SCHIP1: variants seen among roughly 807,000 people sequenced by gnomAD.
SCHIP1 encodes the protein schwannomin-interacting protein 1.
Under a neutral mutation model 29.7 loss-of-function variants are expected in SCHIP1, and 8 were observed. The ratio of observed to expected loss-of-function variants is 0.27; its 90% CI spans 0.16 to 0.49. SCHIP1 has a LOEUF of 0.49. SCHIP1 is among the 20% of genes least tolerant of loss of function. SCHIP1 has a pLI of 0.99. For missense variants in SCHIP1, 193 were observed against 294.6 expected, an observed-to-expected ratio of 0.66 and a Z score of 2.52; for synonymous variants, 76 against 94.9, an observed-to-expected ratio of 0.80 and a Z score of 1.16.
the SCHIP1 span, among the ~76,000 whole-genome samples, chr3:159,703,246 T>C: frequency 5.9e-5 from 9 of 152,354 alleles, no homozygotes; most frequent in African/African-American, 2.2e-4. Flanking sequence ...AGCGCACTTA[T>C]AGATTGAATA....
chr3:159,881,174 A>T (rs1253675154), intron 2 of SCHIP1, among the ~76,000 whole-genome samples: 1 of 152,224 alleles, frequency 6.6e-6, no homozygotes, highest in Non-Finnish European at 1.5e-5. Flanking sequence ...TCTTCATGAC[A>T]GATTCTCAGA....
the SCHIP1 span, among the ~76,000 whole-genome samples, chr3:159,800,665 C>T: frequency 6.7e-6 from 1 of 149,826 alleles, no homozygotes; most frequent in South Asian, 2.1e-4. Context: ...AAAAGCTAAC[C>T]ATGCCAGATC....
chr3:159,425,065 C>T, the SCHIP1 span, among the ~76,000 whole-genome samples: 36 of 151,538 alleles, frequency 2.4e-4, no homozygotes, highest in African/African-American at 7.3e-4. Flanking sequence ...AAGGAACAAC[C>T]GGTACCAGCC....
the SCHIP1 span, among the ~76,000 whole-genome samples, chr3:159,488,683 AT>A: frequency 1.3e-5 from 2 of 152,118 alleles, no homozygotes; most frequent in Admixed American, 1.3e-4. Context: ...TAAAAAAGTC[AT>A]TCTGTCTTGT....
the SCHIP1 span, among the ~76,000 whole-genome samples, chr3:159,285,362 TA>T: frequency 2.0e-5 from 3 of 152,256 alleles, no homozygotes; most frequent in African/African-American, 7.2e-5. Context: ...TGCTAATAGA[TA>T]ACAGATAACT....
At chr3:159,527,050 G>A in the SCHIP1 span, among the ~76,000 whole-genome samples, 1 of 152,150 alleles carries the variant, frequency 6.6e-6, no homozygotes, top group Admixed American at 6.5e-5. Flanking sequence ...CTAGTGCTAG[G>A]TTTCTAGTTC....
At chr3:159,838,734 A>T (rs1181687025), upstream of SCHIP1, among the ~76,000 whole-genome samples, 3 of 150,786 alleles carry the variant, frequency 2.0e-5, no homozygotes, top group East Asian at 5.9e-4. Context: ...ACCAAAAAAA[A>T]TATAAAAAAA....
At chr3:159,284,446 T>G in the SCHIP1 span, among the ~76,000 whole-genome samples, 1 of 152,164 alleles carries the variant, frequency 6.6e-6, no homozygotes, top group Non-Finnish European at 1.5e-5. Context: ...TAATACACTT[T>G]GATATTTTAA....
At chr3:159,866,415 G>C (rs1262449205) in intron 2 of SCHIP1, 134 bp downstream of exon 3, 2 of 815,120 alleles carry the variant, frequency 2.5e-6, no homozygotes, top group Non-Finnish European at 3.8e-6. Context: ...ATCTTTATTT[G>C]GGTTTTAGAC....
the SCHIP1 span, among the ~76,000 whole-genome samples, chr3:159,640,815 T>C: frequency 5.4e-3 from 828 of 152,254 alleles, 6 homozygotes; most frequent in Non-Finnish European, 8.2e-3. Context: ...ATAGATGCTG[T>C]GGAAAGATCA....
the SCHIP1 span, among the ~76,000 whole-genome samples, chr3:159,301,425 C>A: frequency 2.0e-5 from 3 of 152,114 alleles, no homozygotes; most frequent in Non-Finnish European, 4.4e-5. Context: ...ACATGGTGAG[C>A]ACTCTTCAAA....
the SCHIP1 span, among the ~76,000 whole-genome samples, chr3:159,475,489 T>G: frequency 1.3e-5 from 2 of 152,110 alleles, no homozygotes; most frequent in African/African-American, 4.8e-5. Flanking sequence ...AGAAAATGGT[T>G]GGAATTAGAT....
the SCHIP1 span, among the ~76,000 whole-genome samples, chr3:159,444,105 C>G: frequency 6.6e-6 from 1 of 151,822 alleles, no homozygotes; most frequent in Non-Finnish European, 1.5e-5. Context: ...GGTGGTGAAG[C>G]GAGATGGGAA....
the SCHIP1 span, among the ~76,000 whole-genome samples, chr3:159,316,500 A>G: frequency 6.6e-6 from 1 of 152,156 alleles, no homozygotes; most frequent in African/African-American, 2.4e-5. Context: ...GTCAATCTCT[A>G]TTGGCAATAC....
the SCHIP1 span, among the ~76,000 whole-genome samples, chr3:159,372,146 G>GT: frequency 6.6e-6 from 1 of 152,032 alleles, no homozygotes; most frequent in African/African-American, 2.4e-5. Flanking sequence ...TTTTAAATCT[G>GT]TTTTTCAGTA....
the SCHIP1 span, among the ~76,000 whole-genome samples, chr3:159,571,402 C>T: frequency 6.6e-6 from 1 of 151,756 alleles, no homozygotes; most frequent in South Asian, 2.1e-4. Context: ...TCGTTTTTAT[C>T]ATTGGTTCTG....
chr3:159,562,554 C>T, the SCHIP1 span, among the ~76,000 whole-genome samples: 2 of 152,188 alleles, frequency 1.3e-5, no homozygotes, highest in Non-Finnish European at 1.5e-5. Context: ...GTTTCTGTGG[C>T]ACAATCGATC....
the SCHIP1 span, among the ~76,000 whole-genome samples, chr3:159,829,628 A>C: frequency 6.6e-6 from 1 of 152,226 alleles, no homozygotes; most frequent in Non-Finnish European, 1.5e-5. Flanking sequence ...CAGGTGAAGT[A>C]GTCTTTCACA....
At chr3:159,606,045 G>C in the SCHIP1 span, among the ~76,000 whole-genome samples, 1 of 152,188 alleles carries the variant, frequency 6.6e-6, no homozygotes, top group African/African-American at 2.4e-5. Flanking sequence ...CTAGGGCAGA[G>C]TGTTCTTACA....
Sources: gnomAD v4.1 joint callset for allele counts (sites outside exome capture counted in the v4.1 genomes callset) on GRCh38, gnomAD v4.1.1 for gene constraint, MANE v1.5 for transcripts, NCBI Gene and HGNC (gene_info 2026-07-23, HGNC 2026-07-21) for gene names.